Variants in RALGAPA2 observed in about 807,000 individuals in gnomAD.
RALGAPA2 encodes Ral GTPase activating protein catalytic subunit alpha 2.
Under a neutral mutation model 230.4 loss-of-function variants are expected in RALGAPA2, and 139 were observed. That is an observed-to-expected ratio of 0.60 (90% CI 0.53 to 0.69). The LOEUF is 0.69. Among genes scored for constraint, RALGAPA2 ranks in the 30% least tolerant of loss-of-function variants. The pLI, the probability that RALGAPA2 is intolerant of heterozygous loss-of-function variation, is 0.00. For missense variants in RALGAPA2, 2,163 were observed against 2,276.0 expected (o/e 0.95, Z 1.01); for synonymous variants, 847 against 837.8 (o/e 1.01, Z -0.19).
chr20:20,604,301 CA>C (rs1280347201), intron 15 of RALGAPA2, among the ~76,000 whole-genome samples: 1 of 152,172 alleles, frequency 6.6e-6, no homozygotes, highest in African/African-American at 2.4e-5. Context: ...AAGGGGATGC[CA>C]AATTGTCATT....
At chr20:20,476,448 T>G (rs1340542829) in intron 36 of RALGAPA2, among the ~76,000 whole-genome samples, 1 of 151,880 alleles carries the variant, frequency 6.6e-6, no homozygotes, top group Admixed American at 6.6e-5. Context: ...GCATATCAGT[T>G]TGGTGGAAGA....
At chr20:20,517,118 C>A (rs2062896748) in intron 31 of RALGAPA2, among the ~76,000 whole-genome samples, 1 of 152,146 alleles carries the variant, frequency 6.6e-6, no homozygotes, top group Admixed American at 6.5e-5. Flanking sequence ...ACAGATAGCC[C>A]TCCTGGAACA....
intron 17 of RALGAPA2, among the ~76,000 whole-genome samples, 166 bp from the exon 18 acceptor site, chr20:20,589,531 C>T (rs1408853452): frequency 2.6e-5 from 4 of 152,102 alleles, no homozygotes; most frequent in Admixed American, 6.5e-5. Context: ...GTCAAGTCCA[C>T]ACTTTAGACC....
In RALGAPA2 at chr20:20,700,436, C is replaced by T. The variant is rs117613417; in HGVS notation, c.106+11939G>A. Among the ~76,000 whole-genome samples the T allele has an allele frequency of 3.8e-3, 576 of 152,190 alleles. 10 individuals are homozygous for T. The highest frequency in any genetic ancestry group is 0.033 in the East Asian group (173 of 5,182). ...CCCACGTAACAAACCTGCACATGTA[C>T]CCCCTGTACCTAAAATAAAAGTTGA... On this transcript the variant is annotated intron_variant, in intron 1 of 39. Transcript: ENST00000202677.
intron 17 of RALGAPA2, among the ~76,000 whole-genome samples, chr20:20,589,708 G>A (rs1240668281): frequency 6.6e-6 from 1 of 152,080 alleles, no homozygotes; most frequent in Non-Finnish European, 1.5e-5. Context: ...TTGGCCAGAT[G>A]AACCAACAGG....
At chr20:20,543,501 C>A (rs1275640166) in intron 24 of RALGAPA2, among the ~76,000 whole-genome samples, 1 of 152,138 alleles carries the variant, frequency 6.6e-6, no homozygotes, top group African/African-American at 2.4e-5. Flanking sequence ...CAATGACAGA[C>A]TGGATTAAGA....
In RALGAPA2 at chr20:20,624,285, CCACTG is replaced by C. The variant is rs760680687; in HGVS notation, c.1234-3660_1234-3656del. Among the ~76,000 whole-genome samples the C allele has an allele frequency of 1.9e-3, 287 of 148,268 alleles. 2 individuals are homozygous for C. Among genetic ancestry groups the C allele is most frequent in the Non-Finnish European group, 3.1e-3 (210 of 67,542 alleles). On this transcript the variant is annotated intron_variant, in intron 10 of 39. Transcript: ENST00000202677. ...GAGGTTGCAATGAGCCAAGATCGCA[CCACTG>C]CACTCCAGCCTGTGTGATGGGAGCG...
chr20:20,691,433 G>C (rs576639109), intron 1 of RALGAPA2, among the ~76,000 whole-genome samples: 1 of 152,232 alleles, frequency 6.6e-6, no homozygotes, highest in South Asian at 2.1e-4. Context: ...TCAGAGCACA[G>C]GCCATGTACG....
chr20:20,586,736 TA>T (rs1568613690), intron 18 of RALGAPA2, among the ~76,000 whole-genome samples: 1 of 151,968 alleles, frequency 6.6e-6, no homozygotes, highest in African/African-American at 2.4e-5. Context: ...ATATTAACAG[TA>T]AAGATAAAGT....
chr20:20,565,474 T>C (rs778641150), intron 23 of RALGAPA2, among the ~76,000 whole-genome samples: 1 of 152,236 alleles, frequency 6.6e-6, no homozygotes, highest in Admixed American at 6.5e-5. Flanking sequence ...TGAGTCTTAA[T>C]GCTCACTGAG....
chr20:20,464,870 A>G (rs562523480), intron 37 of RALGAPA2, among the ~76,000 whole-genome samples: 1 of 152,050 alleles, frequency 6.6e-6, no homozygotes, highest in Non-Finnish European at 1.5e-5. Flanking sequence ...AATCCTATCT[A>G]TTTTTGAGTT....
At chr20:20,639,496 G>C (rs2066961362) in intron 7 of RALGAPA2, among the ~76,000 whole-genome samples, 1 of 152,134 alleles carries the variant, frequency 6.6e-6, no homozygotes, top group Non-Finnish European at 1.5e-5. Flanking sequence ...TTCAGCCTCT[G>C]GGCCCGCCTC....
At chr20:20,452,945 C>T (rs2085794694) in intron 37 of RALGAPA2, among the ~76,000 whole-genome samples, 2 of 152,294 alleles carry the variant, frequency 1.3e-5, no homozygotes, top group South Asian at 4.1e-4. Flanking sequence ...ACAGGTGGAG[C>T]AGCTGCTGCT....
chr20:20,443,010 G>A (rs1412733024), intron 37 of RALGAPA2, among the ~76,000 whole-genome samples: 1 of 152,116 alleles, frequency 6.6e-6, no homozygotes, highest in Non-Finnish European at 1.5e-5. Context: ...CTCTATCAAT[G>A]GACCATGATA....
In RALGAPA2 at chr20:20,577,216, G is replaced by T. The variant is rs1295971114; in HGVS notation, c.2708-4148C>A. On this transcript the variant is annotated intron_variant, in intron 20 of 39. Transcript: ENST00000202677. ...CTGAAGCACAATCTCTGGATCTGAG[G>T]AACTCAAGTAGAGGAATGACAAGGG... Among the ~76,000 whole-genome samples, 3 of 152,108 alleles carry T rather than the reference G, an allele frequency of 2.0e-5. No homozygotes were observed. In the East Asian group the frequency reaches 5.8e-4, roughly 29 times the overall value.
chr20:20,610,631 G>A (rs758035413), intron 14 of RALGAPA2, among the ~76,000 whole-genome samples: 2 of 152,096 alleles, frequency 1.3e-5, no homozygotes, highest in African/African-American at 2.4e-5. Flanking sequence ...GTATGCCACC[G>A]ACTTCAGCTA....
chr20:20,531,868 A>G, intron 26 of RALGAPA2, 73 bp from the exon 27 acceptor site: 2 of 1,112,196 alleles, frequency 1.8e-6, no homozygotes, highest in Non-Finnish European at 2.6e-6. Context: ...TTCAAATAAC[A>G]AAACACTTTA....
At chr20:20,593,542 G>A (rs1331130783) in intron 16 of RALGAPA2, among the ~76,000 whole-genome samples, 1 of 152,220 alleles carries the variant, frequency 6.6e-6, no homozygotes, top group Non-Finnish European at 1.5e-5. Flanking sequence ...TATGCAAGAT[G>A]TTGAAACCTT....
intron 27 of RALGAPA2, among the ~76,000 whole-genome samples, chr20:20,530,977 T>C (rs1028324501): frequency 6.6e-6 from 1 of 152,182 alleles, no homozygotes; most frequent in African/African-American, 2.4e-5. Flanking sequence ...CAGCAGGATT[T>C]GAGCTCTGGC....
Sources: gnomAD v4.1 joint callset for allele counts (sites outside exome capture counted in the v4.1 genomes callset) on GRCh38, gnomAD v4.1.1 for gene constraint, MANE v1.5 for transcripts, NCBI Gene and HGNC (gene_info 2026-07-23, HGNC 2026-07-21) for gene names.